The following PABPN1L variants were observed in gnomAD, a reference collection of about 807,000 sequenced individuals.
PABPN1L encodes the protein PABPN1 like, cytoplasmic, also known as embryonic polyadenylate-binding protein 2.
A neutral mutation model predicts 34.0 loss-of-function variants in PABPN1L; 45 were observed. The ratio of observed to expected loss-of-function variants is 1.32; its 90% CI spans 1.04 to 1.70. PABPN1L has a LOEUF of 1.70. PABPN1L is among the 40% of genes most tolerant of loss of function. The pLI, the probability that PABPN1L is intolerant of heterozygous loss-of-function variation, is 0.00. For synonymous variants in PABPN1L, 182 were observed against 152.1 expected, an observed-to-expected ratio of 1.20 and a Z score of -1.45; for missense variants, 459 against 367.8, an observed-to-expected ratio of 1.25 and a Z score of -2.03.
Position 88,863,863 on chromosome 16 carries a change from G to T in PABPN1L, c.798-68C>A. 2 of 1,444,118 alleles carry T rather than the reference G, an allele frequency of 1.4e-6. 1 individual carries two copies. Among genetic ancestry groups the T allele is most frequent in the South Asian group, 2.5e-5 (2 of 80,140 alleles). The allele number at this position is 1,444,118 out of a possible 1,614,324, so 89.5% of individuals were successfully genotyped here. ...GAAGGGGTGGTGGCCCAGGGCCCCG[G>T]GGGACAACAGGATAAGGATGCAGGG... On this transcript the variant is annotated intron_variant, in intron 6 of 6. Coordinates refer to ENST00000419291, the Ensembl canonical transcript of PABPN1L.
At chr16:88,868,478 C>T (rs904920220), upstream of PABPN1L, among the ~76,000 whole-genome samples, 1 of 152,052 alleles carries the variant, frequency 6.6e-6, no homozygotes, top group Non-Finnish European at 1.5e-5. Context: ...TGGTGGCGGG[C>T]GCCTGTAATC....
chr16:88,864,292 A>G (rs765635643), exon 6 of PABPN1L: 2 of 1,554,340 alleles, frequency 1.3e-6, no homozygotes, highest in South Asian at 1.2e-5. Flanking sequence ...CTGTGGGGGA[A>G]GGGTGCCCCC....
intron 3 of PABPN1L, 134 bp from the exon 4 acceptor site, chr16:88,865,262 C>A (rs1414249550): frequency 2.2e-6 from 2 of 917,074 alleles, no homozygotes; most frequent in African/African-American, 3.4e-5. Flanking sequence ...ACCCCACACC[C>A]CCGCTGGGGT....
chr16:88,865,793 C>A lies in PABPN1L; in HGVS notation c.391+13G>T, dbSNP rs371144340. Reference sequence around the variant, plus strand: ...TTGCTCAGTGGGGGGCGGCCTGTGCCCTTGGTTCCTACCCACGGTCTCAGG... The same window carrying A: ...TTGCTCAGTGGGGGGCGGCCTGTGCACTTGGTTCCTACCCACGGTCTCAGG... On this transcript the variant is annotated intron_variant, in intron 2 of 6. Coordinates refer to ENST00000419291, the Ensembl canonical transcript of PABPN1L. The A allele has an allele frequency of 6.3e-7, 1 of 1,598,510 alleles. No homozygotes were observed. The highest frequency in any genetic ancestry group is 1.3e-5 in the African/African-American group (1 of 74,720).
In PABPN1L at chr16:88,864,897, C is replaced by T. The variant is rs532230190; in HGVS notation, c.610G>A (p.Ala204Thr). Residue 204 changes from alanine (A) to threonine (T), a missense_variant, in exon 5 of 7, where the codon GCC becomes ACC. Transcript: ENST00000419291. ...AAGAGGCTCTGGTCCAGCTCCACGG[C>T]GGCCTGCACGGAGCCCTTGGTGGCA... 82 of 1,561,556 alleles carry T rather than the reference C, an allele frequency of 5.3e-5. 1 individual carries two copies. In the Admixed American group the frequency reaches 6.0e-4, roughly 11 times the overall value.
At position 88,865,459 on chromosome 16, in the gene PABPN1L, C is replaced by T. The variant is rs150509685; in HGVS notation, c.459+104G>A. 8.0e-4 allele frequency: 1,145 copies of T among 1,431,970 alleles called. 1 individual carries two copies. Among genetic ancestry groups the T allele is most frequent in the Non-Finnish European group, 1.0e-3 (1,061 of 1,049,504 alleles). 88.7% of individuals were successfully genotyped at this position (1,431,970 alleles called of 1,614,324 possible). ...TGACGGGGCTGCCCCCAGGGTCAGA[C>T]CCCCTTCCCAGCAAGGCTGCCTGGC... On this transcript the variant is annotated intron_variant, in intron 3 of 6. Transcript: ENST00000419291.
Position 88,864,285 on chromosome 16 carries a change from TG to T in PABPN1L, c.748del (p.His250ThrfsTer36). On this transcript the variant is annotated frameshift_variant, in exon 6 of 7. Coordinates refer to ENST00000419291, the Ensembl canonical transcript of PABPN1L. LOFTEE classifies it low-confidence loss of function (END_TRUNC). ...CCGGGGCCTGCCCTGGAGGCCGCTG[TG>T]GGGGAAGGGTGCCCCCCTGGAGCCT... 1.3e-6 allele frequency: 2 copies of T among 1,552,418 alleles called. No homozygotes were observed. Among genetic ancestry groups the T allele is most frequent in the African/African-American group, 1.4e-5 (1 of 70,996 alleles).
chr16:88,864,282 C>G, exon 6 of PABPN1L: 1 of 1,553,734 alleles, frequency 6.4e-7, no homozygotes, highest in Non-Finnish European at 8.7e-7. Context: ...CTGGAGGCCG[C>G]TGTGGGGGAA....
At chr16:88,863,853 C>A (rs1968509370) in intron 6 of PABPN1L, 58 bp from the exon 7 acceptor site, 1 of 1,492,572 alleles carries the variant, frequency 6.7e-7, no homozygotes, top group African/African-American at 1.4e-5. Flanking sequence ...GGTGGTGGCC[C>A]AGGGCCCCGG....
At chr16:88,864,551 ACGGCCAGCACCCCTGCAGAGGGGGGGG>A (rs1968538568) in intron 5 of PABPN1L, among the ~76,000 whole-genome samples, 172 bp from the exon 6 acceptor site, 3 of 132,522 alleles carry the variant, frequency 2.3e-5, no homozygotes, top group African/African-American at 3.2e-5. Context: ...ACACCCCGTC[ACGGCCAGCACCCCTGCAGAGGGGGGGG>A]TCACGGCCAG....
chr16:88,866,379 G>A (rs755452555), exon 1 of PABPN1L: 3 of 1,550,564 alleles, frequency 1.9e-6, no homozygotes, highest in African/African-American at 1.4e-5. Flanking sequence ...ACTCAGCCAG[G>A]TTCTCTTGCT....
At chr16:88,863,868 C>T in intron 6 of PABPN1L, 73 bp from the exon 7 acceptor site, 3 of 1,435,546 alleles carry the variant, frequency 2.1e-6, no homozygotes, top group Admixed American at 2.0e-5. Context: ...CCCCGGGGGA[C>T]AACAGGATAA....
At chr16:88,869,035 C>A (rs980238645), upstream of PABPN1L, among the ~76,000 whole-genome samples, 1 of 152,308 alleles carries the variant, frequency 6.6e-6, no homozygotes, top group South Asian at 2.1e-4. Context: ...CCTGTAAGCG[C>A]GATGCGAGGA....
chr16:88,864,059 G>A (rs1968516432), intron 6 of PABPN1L, among the ~76,000 whole-genome samples, 178 bp downstream of exon 6: 1 of 138,698 alleles, frequency 7.2e-6, no homozygotes, highest in Admixed American at 6.9e-5. Context: ...TCTCCCAGCA[G>A]AGAGGCTACA....
At chr16:88,865,745 C>A in intron 2 of PABPN1L, 61 bp downstream of exon 2, 1 of 1,561,808 alleles carries the variant, frequency 6.4e-7, no homozygotes, top group Non-Finnish European at 8.7e-7. Context: ...CCAGGCCCAA[C>A]CTTAATGGAA....
intron 5 of PABPN1L, 102 bp from the exon 6 acceptor site, chr16:88,864,481 C>T (rs1271227728): frequency 7.0e-7 from 1 of 1,432,114 alleles, no homozygotes; most frequent in Non-Finnish European, 9.2e-7. Flanking sequence ...TCCTGCCCGG[C>T]TCAGGATACC....
chr16:88,865,247 C>A (rs1351949578), intron 3 of PABPN1L, 119 bp from the exon 4 acceptor site: 1 of 1,061,968 alleles, frequency 9.4e-7, no homozygotes, highest in Non-Finnish European at 1.4e-6. Context: ...TGGCCCCAGG[C>A]CTCCACCCCA....
intron 6 of PABPN1L, 106 bp from the exon 7 acceptor site, chr16:88,863,901 T>A (rs986461151): frequency 1.7e-6 from 2 of 1,195,398 alleles, no homozygotes; most frequent in African/African-American, 3.0e-5. Flanking sequence ...GTCACCTGGC[T>A]GCTCAGGCAA....
chr16:88,867,258 T>A (rs1733757324), upstream of PABPN1L, among the ~76,000 whole-genome samples: 1 of 151,546 alleles, frequency 6.6e-6, no homozygotes, highest in Non-Finnish European at 1.5e-5. Context: ...GCAGGAGTCT[T>A]GCTTTGTTGC....
Sources: gnomAD v4.1 joint callset for allele counts (sites outside exome capture counted in the v4.1 genomes callset) on GRCh38, gnomAD v4.1.1 for gene constraint, MANE v1.5 for transcripts, NCBI Gene and HGNC (gene_info 2026-07-23, HGNC 2026-07-21) for gene names.